Variants in BBS9 observed in about 807,000 individuals in gnomAD.
The protein encoded by BBS9 is protein PTHB1.
Under a neutral mutation model 117.7 loss-of-function variants are expected in BBS9, and 89 were observed. That is an observed-to-expected ratio of 0.76 (90% confidence interval 0.64 to 0.90). The LOEUF is 0.90. BBS9 is among the 40% of genes least tolerant of loss of function. BBS9 has a pLI of 0.00. For missense variants in BBS9, 982 were observed against 1,042.2 expected (o/e 0.94, Z 0.80); for synonymous variants, 379 against 370.9 (o/e 1.02, Z -0.25).
chr7:33,602,168 CTT>C (rs972623462), intron 21 of BBS9, among the ~76,000 whole-genome samples: 4 of 151,636 alleles, frequency 2.6e-5, no homozygotes, highest in Non-Finnish European at 5.9e-5. Context: ...GGGAGTGCCT[CTT>C]TCCAAGAGCC....
intron 19 of BBS9, among the ~76,000 whole-genome samples, chr7:33,388,511 A>C (rs1826452109): frequency 6.6e-6 from 1 of 152,206 alleles, no homozygotes; most frequent in Non-Finnish European, 1.5e-5. Context: ...TGCATTCCAT[A>C]ATTATTACCA....
chr7:33,141,296 T>G (rs1335751675), intron 1 of BBS9, among the ~76,000 whole-genome samples: 3 of 152,240 alleles, frequency 2.0e-5, no homozygotes, highest in Admixed American at 2.0e-4. Context: ...TTGGCAGGTG[T>G]CTGTAATCCC....
chr7:33,200,523 C>T (rs1202270984), intron 5 of BBS9, among the ~76,000 whole-genome samples: 2 of 152,104 alleles, frequency 1.3e-5, no homozygotes, highest in East Asian at 3.8e-4. Flanking sequence ...TTTTATGAAT[C>T]CAATGTCCTG....
intron 4 of BBS9, among the ~76,000 whole-genome samples, chr7:33,162,436 C>T (rs572758684): frequency 2.0e-5 from 3 of 152,270 alleles, no homozygotes; most frequent in African/African-American, 7.2e-5. Flanking sequence ...TGGCCATTTT[C>T]ACTGTATGGA....
At chr7:33,354,264 TACAC>T (rs1819229900) in intron 15 of BBS9, among the ~76,000 whole-genome samples, 1 of 152,288 alleles carries the variant, frequency 6.6e-6, no homozygotes, top group South Asian at 2.1e-4. Context: ...AGATCTTACT[TACAC>T]ACAAGGCTTC....
At chr7:33,132,946 A>G (rs1462886573) in intron 1 of BBS9, among the ~76,000 whole-genome samples, 7 of 152,098 alleles carry the variant, frequency 4.6e-5, no homozygotes, top group Admixed American at 3.9e-4. Flanking sequence ...AGTTGTAATA[A>G]TTTTTATTTT....
intron 19 of BBS9, among the ~76,000 whole-genome samples, chr7:33,450,616 A>G (rs1392274878): frequency 3.9e-5 from 6 of 152,142 alleles, no homozygotes; most frequent in Admixed American, 2.6e-4. Flanking sequence ...CATTTTCTGG[A>G]TGATTACTGA....
intron 4 of BBS9, among the ~76,000 whole-genome samples, chr7:33,177,083 A>AT (rs754296316): frequency 8.6e-5 from 13 of 151,350 alleles, no homozygotes; most frequent in Non-Finnish European, 1.5e-4. Flanking sequence ...AGTGTTGGGG[A>AT]TTTTTTTTTC....
At chr7:33,257,709 T>C (rs549079502) in intron 6 of BBS9, among the ~76,000 whole-genome samples, 5 of 152,162 alleles carry the variant, frequency 3.3e-5, no homozygotes, top group African/African-American at 1.2e-4. Flanking sequence ...ACAAGTTTAT[T>C]ATAAGGATTA....
At chr7:33,564,973 G>A (rs1457769930) in intron 21 of BBS9, among the ~76,000 whole-genome samples, 1 of 152,132 alleles carries the variant, frequency 6.6e-6, no homozygotes, top group Non-Finnish European at 1.5e-5. Context: ...AGTGCATGAG[G>A]CTACACAGGG....
intron 12 of BBS9, among the ~76,000 whole-genome samples, chr7:33,348,740 C>T (rs977383202): frequency 6.6e-6 from 1 of 152,062 alleles, no homozygotes; most frequent in South Asian, 2.1e-4. Context: ...TCTGTCCTTT[C>T]GATTATAGCC....
At chr7:33,493,472 T>C (rs1174157568) in intron 19 of BBS9, among the ~76,000 whole-genome samples, 1 of 152,182 alleles carries the variant, frequency 6.6e-6, no homozygotes, top group East Asian at 1.9e-4. Context: ...TGAGAATGAG[T>C]GACTTGCCCC....
At chr7:33,616,634 A>C (rs1244247494) in intron 21 of BBS9, among the ~76,000 whole-genome samples, 2 of 151,782 alleles carry the variant, frequency 1.3e-5, no homozygotes, top group African/African-American at 2.4e-5. Flanking sequence ...AGAAAACAGT[A>C]ACAAATATGA....
chr7:33,283,350 A>T (rs1017675051), intron 9 of BBS9, among the ~76,000 whole-genome samples: 6 of 152,160 alleles, frequency 3.9e-5, no homozygotes, highest in Admixed American at 3.3e-4. Flanking sequence ...TGCTCGTCTG[A>T]CTTATTTCTC....
At chr7:33,598,715 C>T (rs541218455) in intron 21 of BBS9, among the ~76,000 whole-genome samples, 2 of 152,162 alleles carry the variant, frequency 1.3e-5, no homozygotes, top group East Asian at 3.9e-4. Flanking sequence ...GAACATTTGT[C>T]ACAGTTGGGC....
At chr7:33,401,754 A>G (rs773133885) in intron 19 of BBS9, among the ~76,000 whole-genome samples, 3 of 152,200 alleles carry the variant, frequency 2.0e-5, no homozygotes, top group African/African-American at 7.2e-5. Context: ...ACAGACTGCA[A>G]ATGTTTATCA....
At chr7:33,425,412 G>A (rs1345836504) in intron 19 of BBS9, among the ~76,000 whole-genome samples, 9 of 152,112 alleles carry the variant, frequency 5.9e-5, no homozygotes, top group Non-Finnish European at 1.3e-4. Flanking sequence ...ATAGGTAAAC[G>A]TGTGCCACGG....
intron 5 of BBS9, 120 bp downstream of exon 5, chr7:33,177,711 G>A: frequency 1.3e-6 from 1 of 764,390 alleles, no homozygotes; most frequent in Non-Finnish European, 2.3e-6. Context: ...ACATTTTATT[G>A]AAACCTTTGT....
Position 33,426,831 on chromosome 7 carries a change from C to A in BBS9, c.2115+38687C>A, listed in dbSNP as rs1384915978. ...CTGCTGGGTGTCTTTTGTTTCTGTGCATCTTGTGAGCGGAGGGACTAGTCA... is the reference window on the plus strand; with the variant it reads ...CTGCTGGGTGTCTTTTGTTTCTGTGAATCTTGTGAGCGGAGGGACTAGTCA... On this transcript the variant is annotated intron_variant, in intron 19 of 22. Transcript: ENST00000242067. 2.6e-5 allele frequency among the ~76,000 whole-genome samples: 4 copies of A among 152,112 alleles called. No individual in the cohort carries two copies. The East Asian group carries it at 7.7e-4, about 29-fold the overall frequency.
Sources: allele counts gnomAD v4.1 joint callset (sites outside exome capture counted in the v4.1 genomes callset), GRCh38; gene constraint gnomAD v4.1.1; transcripts MANE v1.5; gene names NCBI Gene and HGNC (gene_info 2026-07-23, HGNC 2026-07-21).